Variants in ODAD2 observed in about 807,000 individuals in gnomAD.
The protein encoded by ODAD2 is outer dynein arm-docking complex subunit 2.
A neutral mutation model predicts 106.8 loss-of-function variants in ODAD2; 89 were observed. The observed-to-expected ratio is 0.83, with a 90% CI of 0.70 to 0.99. ODAD2 has a LOEUF of 0.99. Ranked by LOEUF, ODAD2 falls within the 50% of genes least tolerant of loss-of-function variation. The pLI is 0.00. For missense variants in ODAD2, 1,168 were observed against 1,238.5 expected, an observed-to-expected ratio of 0.94 and a Z score of 0.85; for synonymous variants, 404 against 436.2, an observed-to-expected ratio of 0.93 and a Z score of 0.92.
At chr10:27,824,138 C>CAAAA (rs71388934) in intron 19 of ODAD2, among the ~76,000 whole-genome samples, 38 of 33,120 alleles carry the variant, frequency 1.1e-3, no homozygotes, top group Admixed American at 3.5e-3. Context: ...GACTCCGTCT[C>CAAAA]AAAAAAAAAA....
chr10:27,985,006 GA>G lies in ODAD2; in HGVS notation c.575+12del. On this transcript the variant is annotated intron_variant, in intron 4 of 19. Transcript: ENST00000305242. ...CTCAATACAATAGAGGTTCCTTTTTGAAAAAGACTCACAATGAAATATGTTT... is the reference window on the plus strand; with the variant it reads ...CTCAATACAATAGAGGTTCCTTTTTGAAAAGACTCACAATGAAATATGTTT... 1 of 1,596,768 alleles carries G rather than the reference GA, an allele frequency of 6.3e-7. No homozygotes were observed. Among genetic ancestry groups the G allele is most frequent in the Non-Finnish European group, 8.5e-7 (1 of 1,173,028 alleles).
chr10:27,923,032 G>A (rs1844903406), intron 16 of ODAD2, among the ~76,000 whole-genome samples: 1 of 126,624 alleles, frequency 7.9e-6, no homozygotes, highest in Non-Finnish European at 1.9e-5. Context: ...ATAACCACTA[G>A]AACAAAAATG....
At chr10:27,960,986 G>A (rs1190939155) in intron 10 of ODAD2, among the ~76,000 whole-genome samples, 4 of 151,948 alleles carry the variant, frequency 2.6e-5, no homozygotes, top group Non-Finnish European at 4.4e-5. Context: ...ACGTTACATG[G>A]GCCAATTATT....
chr10:27,949,465 GA>G (rs1847174325), intron 10 of ODAD2, among the ~76,000 whole-genome samples: 1 of 152,186 alleles, frequency 6.6e-6, no homozygotes, highest in Non-Finnish European at 1.5e-5. Flanking sequence ...GATCTGGACA[GA>G]AAATAGGCGA....
intron 8 of ODAD2, among the ~76,000 whole-genome samples, chr10:27,969,830 G>T (rs1207473875): frequency 1.3e-5 from 2 of 152,166 alleles, no homozygotes; most frequent in African/African-American, 2.4e-5. Context: ...AGTGGGCTGG[G>T]TGCAGTGGCT....
At chr10:27,834,601 T>C (rs994146476) in intron 19 of ODAD2, among the ~76,000 whole-genome samples, 2 of 151,078 alleles carry the variant, frequency 1.3e-5, no homozygotes, top group Non-Finnish European at 3.0e-5. Context: ...GGGCAAGGAG[T>C]GAGATAACGA....
At chr10:27,906,005 G>C (rs539066046) in intron 17 of ODAD2, among the ~76,000 whole-genome samples, 1 of 152,152 alleles carries the variant, frequency 6.6e-6, no homozygotes, top group Admixed American at 6.5e-5. Context: ...ACAAAAGCCA[G>C]AATTGACAAA....
At chr10:27,953,919 C>A (rs1847538656) in intron 10 of ODAD2, among the ~76,000 whole-genome samples, 1 of 152,190 alleles carries the variant, frequency 6.6e-6, no homozygotes, top group Non-Finnish European at 1.5e-5. Context: ...CACAACCAGA[C>A]AGCCACACCC....
At chr10:27,870,449 C>G (rs964067039) in intron 17 of ODAD2, among the ~76,000 whole-genome samples, 6 of 152,084 alleles carry the variant, frequency 3.9e-5, no homozygotes, top group African/African-American at 1.4e-4. Flanking sequence ...TGGTGTGCTG[C>G]ACCCATTAAC....
intron 17 of ODAD2, among the ~76,000 whole-genome samples, chr10:27,906,758 C>T (rs934898476): frequency 3.9e-5 from 6 of 152,058 alleles, no homozygotes; most frequent in Non-Finnish European, 8.8e-5. Flanking sequence ...CAAACTAATA[C>T]AGGAACAAAA....
chr10:27,866,177 T>G (rs1840423462), intron 17 of ODAD2, among the ~76,000 whole-genome samples: 1 of 152,196 alleles, frequency 6.6e-6, no homozygotes, highest in African/African-American at 2.4e-5. Context: ...TATCCAACAC[T>G]GTTTAATCCT....
At chr10:27,889,290 TA>T (rs1433048082) in intron 17 of ODAD2, among the ~76,000 whole-genome samples, 3 of 151,850 alleles carry the variant, frequency 2.0e-5, no homozygotes, top group Non-Finnish European at 4.4e-5. Flanking sequence ...GGGTAGTTGC[TA>T]AAGCAGGGGC....
Position 27,966,345 on chromosome 10 carries a change from C to A in ODAD2, c.1238+2578G>T, listed in dbSNP as rs114679679. Among the ~76,000 whole-genome samples the A allele has an allele frequency of 6.2e-3, 941 of 152,234 alleles. 7 individuals are homozygous for A. The highest frequency in any genetic ancestry group is 0.022 in the African/African-American group (900 of 41,546). ...GCATATAGTAGAATAAGCCTAAGTT[C>A]TTTGAGGAAAGCCTAAATTCACCTT... On this transcript the variant is annotated intron_variant, in intron 9 of 19. Transcript: ENST00000305242.
At chr10:27,858,158 A>G (rs1839789474) in intron 19 of ODAD2, among the ~76,000 whole-genome samples, 1 of 152,102 alleles carries the variant, frequency 6.6e-6, no homozygotes, top group Non-Finnish European at 1.5e-5. Flanking sequence ...TTATTCCCAT[A>G]TCCAAGCAAA....
At chr10:27,989,151 C>T (rs1275767909) in intron 2 of ODAD2, among the ~76,000 whole-genome samples, 1 of 152,138 alleles carries the variant, frequency 6.6e-6, no homozygotes, top group East Asian at 1.9e-4. Flanking sequence ...TCATTTTAGA[C>T]TTCTGACCTC....
At chr10:27,817,378 C>G (rs1836221609) in intron 19 of ODAD2, among the ~76,000 whole-genome samples, 1 of 152,152 alleles carries the variant, frequency 6.6e-6, no homozygotes, top group African/African-American at 2.4e-5. Flanking sequence ...TTCGAGGGTA[C>G]AAGTGCAAAT....
intron 17 of ODAD2, among the ~76,000 whole-genome samples, chr10:27,881,106 T>A (rs994428109): frequency 2.6e-5 from 4 of 152,322 alleles, no homozygotes; most frequent in African/African-American, 7.2e-5. Context: ...AAGATTTTAC[T>A]CTTCAGGATT....
chr10:27,860,463 A>G (rs1430648295), intron 19 of ODAD2, among the ~76,000 whole-genome samples, 162 bp downstream of exon 19: 1 of 152,100 alleles, frequency 6.6e-6, no homozygotes, highest in Non-Finnish European at 1.5e-5. Flanking sequence ...AAAAGAAAAA[A>G]AAAGTCATGA....
At position 27,817,638 on chromosome 10, in the gene ODAD2, C is replaced by T. The variant is rs549306189; in HGVS notation, c.3022-5013G>A. On this transcript the variant is annotated intron_variant, in intron 19 of 19. Transcript: ENST00000305242. ...TCACTTAGGATAAGGGCCTCCAGTT[C>T]CATTTATGTTGCTGCAAAAGACATG... 3.3e-5 allele frequency among the ~76,000 whole-genome samples: 5 copies of T among 152,188 alleles called. No individual in the cohort carries two copies. The East Asian group carries it at 9.7e-4, about 29-fold the overall frequency.
Sources: gnomAD v4.1 joint callset for allele counts (sites outside exome capture counted in the v4.1 genomes callset) on GRCh38, gnomAD v4.1.1 for gene constraint, MANE v1.5 for transcripts, NCBI Gene and HGNC (gene_info 2026-07-23, HGNC 2026-07-21) for gene names.